Variants in ROBO2 observed in about 807,000 individuals in gnomAD.
ROBO2 encodes the protein roundabout guidance receptor 2, also known as roundabout homolog 2.
Under a neutral mutation model 160.8 loss-of-function variants are expected in ROBO2, and 53 were observed. The ratio of observed to expected loss-of-function variants is 0.33; its 90% CI spans 0.26 to 0.41. The LOEUF (loss-of-function observed/expected upper bound fraction) is 0.41, where lower values mean the gene tolerates loss of function less well. Among genes scored for constraint, ROBO2 ranks in the 10% least tolerant of loss-of-function variants. ROBO2 has a pLI of 1.00. For synonymous variants in ROBO2, 664 were observed against 611.7 expected (o/e 1.09, Z -1.26); for missense variants, 1,577 against 1,722.4 (o/e 0.92, Z 1.49).
intron 2 of ROBO2, among the ~76,000 whole-genome samples, chr3:75,959,643 C>T (rs931542249): frequency 6.6e-6 from 1 of 151,564 alleles, no homozygotes; most frequent in South Asian, 2.1e-4. Flanking sequence ...TTTCTATTTA[C>T]ATTTTGAATT....
At chr3:77,227,959 G>T (rs1251201367) in intron 2 of ROBO2, among the ~76,000 whole-genome samples, 1 of 152,176 alleles carries the variant, frequency 6.6e-6, no homozygotes, top group Middle Eastern at 3.2e-3. Context: ...AAATATTGCA[G>T]ATGTTTATGG....
intron 2 of ROBO2, among the ~76,000 whole-genome samples, chr3:76,736,899 A>T (rs967979675): frequency 2.0e-5 from 3 of 152,324 alleles, no homozygotes; most frequent in African/African-American, 7.2e-5. Context: ...GTCGACAGTA[A>T]ATGGTAATCT....
chr3:77,237,897 C>A (rs901962083), intron 2 of ROBO2, among the ~76,000 whole-genome samples: 16 of 152,182 alleles, frequency 1.1e-4, no homozygotes, highest in East Asian at 3.9e-4. Context: ...TCCTTGTCAG[C>A]ATTTGGTGGT....
intron 2 of ROBO2, among the ~76,000 whole-genome samples, chr3:76,745,101 G>A (rs1450095425): frequency 6.6e-6 from 1 of 152,030 alleles, no homozygotes; most frequent in Non-Finnish European, 1.5e-5. Context: ...CTTTCCTTAA[G>A]TATATTTGAG....
At chr3:76,913,377 C>T (rs1011467067) in intron 2 of ROBO2, among the ~76,000 whole-genome samples, 2 of 152,174 alleles carry the variant, frequency 1.3e-5, no homozygotes, top group African/African-American at 4.8e-5. Context: ...CAATGACTCC[C>T]TGCTGCTAAT....
At chr3:76,161,244 A>C (rs1020267625) in intron 2 of ROBO2, among the ~76,000 whole-genome samples, 1 of 152,172 alleles carries the variant, frequency 6.6e-6, no homozygotes, top group African/African-American at 2.4e-5. Context: ...TTAGTTGAAT[A>C]CATTAAAGTT....
chr3:76,386,318 C>T lies in ROBO2; in HGVS notation c.109+448716C>T, dbSNP rs549786984. Among the ~76,000 whole-genome samples, 907 of 138,182 alleles carry T rather than the reference C, an allele frequency of 6.6e-3. 6 individuals are homozygous for T. Among genetic ancestry groups the T allele is most frequent in the South Asian group, 0.047 (211 of 4,482 alleles). 90.7% of individuals were successfully genotyped at this position (138,182 alleles called of 152,430 possible). Reference sequence around the variant, plus strand: ...ACTCCTTCCCTTCCTTCCTTCTTTCCTTCCCTCCTTCCCTCCCTCCCTCCC... The same window carrying T: ...ACTCCTTCCCTTCCTTCCTTCTTTCTTTCCCTCCTTCCCTCCCTCCCTCCC... On this transcript the variant is annotated intron_variant, in intron 2 of 26. Transcript: ENST00000487694.
chr3:76,293,980 C>A (rs1221298711), intron 2 of ROBO2, among the ~76,000 whole-genome samples: 1 of 152,146 alleles, frequency 6.6e-6, no homozygotes, highest in Non-Finnish European at 1.5e-5. Flanking sequence ...CACCCTCGGT[C>A]CCCACTCAGC....
At chr3:77,595,778 T>G (rs548772174) in intron 18 of ROBO2, among the ~76,000 whole-genome samples, 1 of 152,304 alleles carries the variant, frequency 6.6e-6, no homozygotes, top group South Asian at 2.1e-4. Flanking sequence ...AATGAGAGTT[T>G]GTGGATGTAG....
At chr3:77,394,729 A>G (rs1161336657) in intron 2 of ROBO2, among the ~76,000 whole-genome samples, 2 of 151,718 alleles carry the variant, frequency 1.3e-5, no homozygotes, top group East Asian at 3.9e-4. Flanking sequence ...GAATGCCTGC[A>G]TTGTTAATGC....
intron 2 of ROBO2, among the ~76,000 whole-genome samples, chr3:76,166,640 T>A (rs2072850685): frequency 6.6e-6 from 1 of 152,036 alleles, no homozygotes; most frequent in Admixed American, 6.6e-5. Context: ...AATTTCCAGT[T>A]AAATTTCAGA....
chr3:75,941,868 A>G (rs1948070494), intron 2 of ROBO2, among the ~76,000 whole-genome samples: 1 of 152,144 alleles, frequency 6.6e-6, no homozygotes. Flanking sequence ...ATATGAAGAC[A>G]ATATCTTGTG....
chr3:76,836,276 A>C (rs2067682702), intron 2 of ROBO2, among the ~76,000 whole-genome samples: 1 of 151,814 alleles, frequency 6.6e-6, no homozygotes, highest in South Asian at 2.1e-4. Context: ...TGTTTGTGGA[A>C]TTTTCCCACA....
At chr3:76,893,270 T>C (rs1320194230) in intron 2 of ROBO2, among the ~76,000 whole-genome samples, 1 of 148,876 alleles carries the variant, frequency 6.7e-6, no homozygotes, top group Non-Finnish European at 1.5e-5. Context: ...GAATGAGGGA[T>C]AAAACAAGAA....
intron 2 of ROBO2, among the ~76,000 whole-genome samples, chr3:76,916,724 A>G (rs1253228122): frequency 6.6e-6 from 1 of 152,124 alleles, no homozygotes; most frequent in Non-Finnish European, 1.5e-5. Context: ...GAGTAAAATC[A>G]TCTAACACCA....
chr3:76,636,925 G>A (rs1355991006), intron 2 of ROBO2, among the ~76,000 whole-genome samples: 1 of 147,874 alleles, frequency 6.8e-6, no homozygotes, highest in Admixed American at 6.8e-5. Flanking sequence ...GGAGGACAAA[G>A]TGGGTAGAAT....
intron 16 of ROBO2, among the ~76,000 whole-genome samples, chr3:77,581,567 C>G (rs2093920080): frequency 6.6e-6 from 1 of 152,032 alleles, no homozygotes; most frequent in Admixed American, 6.6e-5. Context: ...TGTTTAGGGA[C>G]TTTTCCAGAT....
intron 2 of ROBO2, among the ~76,000 whole-genome samples, chr3:76,341,726 G>A (rs911040043): frequency 6.6e-6 from 1 of 152,132 alleles, no homozygotes; most frequent in African/African-American, 2.4e-5. Context: ...GGGAAACATA[G>A]TTGTGTTGGA....
At chr3:76,922,260 G>C (rs559983850) in intron 2 of ROBO2, among the ~76,000 whole-genome samples, 1 of 152,234 alleles carries the variant, frequency 6.6e-6, no homozygotes, top group Non-Finnish European at 1.5e-5. Context: ...GCAGTGAGCC[G>C]AGATCGCACC....
Sources: allele counts gnomAD v4.1 joint callset (sites outside exome capture counted in the v4.1 genomes callset), GRCh38; gene constraint gnomAD v4.1.1; transcripts MANE v1.5; gene names NCBI Gene and HGNC (gene_info 2026-07-23, HGNC 2026-07-21).